Variants in ARHGAP15 observed in about 807,000 individuals in gnomAD.
ARHGAP15 encodes rho GTPase-activating protein 15.
In ARHGAP15, 51 loss-of-function variants were observed where a neutral mutation model predicts 63.7. That is an observed-to-expected ratio of 0.80 (90% CI 0.64 to 1.01). The LOEUF (loss-of-function observed/expected upper bound fraction) is 1.01, where lower values mean the gene tolerates loss of function less well. Ranked by LOEUF, ARHGAP15 falls within the 50% of genes least tolerant of loss-of-function variation. The pLI is 0.00. For synonymous variants in ARHGAP15, 191 were observed against 193.8 expected, an observed-to-expected ratio of 0.99 and a Z score of 0.12; for missense variants, 560 against 564.6, an observed-to-expected ratio of 0.99 and a Z score of 0.08.
At chr2:143,740,004 A>C (rs895723399) in intron 13 of ARHGAP15, among the ~76,000 whole-genome samples, 2 of 152,104 alleles carry the variant, frequency 1.3e-5, no homozygotes, top group African/African-American at 2.4e-5. Context: ...CACAGCTCTC[A>C]TAAGTCCATT....
intron 9 of ARHGAP15, chr2:143,519,053 C>T (rs1693945316): frequency 1.3e-5 from 5 of 399,300 alleles, no homozygotes; most frequent in South Asian, 5.1e-5. Flanking sequence ...GATGCCTGAG[C>T]GTCAGTTTTC....
chr2:143,681,336 C>T (rs1050925334), intron 12 of ARHGAP15, among the ~76,000 whole-genome samples: 3 of 152,082 alleles, frequency 2.0e-5, no homozygotes, highest in African/African-American at 7.2e-5. Context: ...AATTTAGTAG[C>T]GTATGTGAAA....
At chr2:143,275,210 T>C (rs948215331) in intron 6 of ARHGAP15, among the ~76,000 whole-genome samples, 6 of 152,016 alleles carry the variant, frequency 3.9e-5, no homozygotes, top group African/African-American at 1.2e-4. Context: ...GCAATTATCT[T>C]GATGGGGCAG....
At chr2:143,373,106 C>T (rs182221487) in intron 6 of ARHGAP15, among the ~76,000 whole-genome samples, 2 of 152,076 alleles carry the variant, frequency 1.3e-5, no homozygotes, top group Admixed American at 1.3e-4. Flanking sequence ...ATTTCATAGT[C>T]CCTTTTATAT....
chr2:143,242,428 AAT>A (rs1693900137), intron 5 of ARHGAP15, among the ~76,000 whole-genome samples: 1 of 152,242 alleles, frequency 6.6e-6, no homozygotes. Context: ...TTTTAATGTA[AAT>A]GTAAGACTAT....
At chr2:143,244,221 T>G (rs1272970705) in intron 5 of ARHGAP15, among the ~76,000 whole-genome samples, 1 of 152,118 alleles carries the variant, frequency 6.6e-6, no homozygotes, top group Non-Finnish European at 1.5e-5. Flanking sequence ...CTTTGCTAGA[T>G]TCTGGAAAAA....
intron 6 of ARHGAP15, among the ~76,000 whole-genome samples, chr2:143,275,567 C>G (rs1681507271): frequency 6.6e-6 from 1 of 152,146 alleles, no homozygotes; most frequent in African/African-American, 2.4e-5. Context: ...TGAGATTATT[C>G]TCATTACTTA....
rs183782356 is a variant in ARHGAP15 at position 143,696,216 on chromosome 2, A to T, written c.1139-7203A>T. ...AAACTTCACTGACACCTACATAATG[A>T]CATGCCTTATATTTAAACATCTATT... is the stretch of plus-strand genomic sequence containing the variant. On this transcript the variant is annotated intron_variant, in intron 12 of 13. Transcript: ENST00000295095. Among the ~76,000 whole-genome samples, 266 of 152,172 alleles carry T rather than the reference A, an allele frequency of 1.7e-3. 2 individuals are homozygous for T. Among genetic ancestry groups the T allele is most frequent in the Non-Finnish European group, 1.3e-3 (89 of 68,010 alleles).
chr2:143,643,061 G>A (rs751749278), intron 12 of ARHGAP15, among the ~76,000 whole-genome samples: 7 of 152,174 alleles, frequency 4.6e-5, no homozygotes, highest in East Asian at 1.9e-4. Flanking sequence ...AATTAATTGC[G>A]GAGAATTCAA....
At chr2:143,407,664 T>C (rs1308611533) in intron 6 of ARHGAP15, among the ~76,000 whole-genome samples, 2 of 151,720 alleles carry the variant, frequency 1.3e-5, no homozygotes, top group East Asian at 3.9e-4. Flanking sequence ...AATCCAATAT[T>C]CTCTTCAAAA....
In ARHGAP15 at chr2:143,145,452, A is replaced by G. The variant is rs568550425; in HGVS notation, c.-14-10025A>G. ...TTGAGGTTCTACCTTTCTATTGCCA[A>G]TCTCCTTTGTGGATAATTGAGCTAG... On this transcript the variant is annotated intron_variant, in intron 1 of 13. Transcript: ENST00000295095. Among the ~76,000 whole-genome samples, 7 of 152,096 alleles carry G rather than the reference A, an allele frequency of 4.6e-5. No individual in the cohort carries two copies. The South Asian group carries it at 1.5e-3, about 32-fold the overall frequency.
intron 6 of ARHGAP15, among the ~76,000 whole-genome samples, chr2:143,406,714 G>C (rs1688213794): frequency 4.0e-5 from 6 of 151,830 alleles, no homozygotes; most frequent in Admixed American, 3.3e-4. Context: ...GGTAGCACTA[G>C]GCATCATAAT....
In ARHGAP15 at chr2:143,370,723, A is replaced by G. The variant is rs140361468; in HGVS notation, c.475-64878A>G. On this transcript the variant is annotated intron_variant, in intron 6 of 13. Transcript: ENST00000295095. Reference sequence around the variant, plus strand: ...ACCAAGCAGGATTTGAGTCTGTTCTATGTGGACTAGTATACTTCATGATAC... The same window carrying G: ...ACCAAGCAGGATTTGAGTCTGTTCTGTGTGGACTAGTATACTTCATGATAC... Among the ~76,000 whole-genome samples, 107 of 152,306 alleles carry G rather than the reference A, an allele frequency of 7.0e-4. No homozygotes were observed. The East Asian group carries it at 0.015, about 22-fold the overall frequency.
intron 1 of ARHGAP15, among the ~76,000 whole-genome samples, chr2:143,155,130 A>T (rs1690026515): frequency 1.3e-5 from 2 of 151,956 alleles, no homozygotes; most frequent in African/African-American, 4.8e-5. Context: ...TGTGGATTAA[A>T]AAGCATATAT....
chr2:143,322,359 T>C (rs1278924264), intron 6 of ARHGAP15, among the ~76,000 whole-genome samples: 1 of 152,240 alleles, frequency 6.6e-6, no homozygotes, highest in East Asian at 1.9e-4. Flanking sequence ...GTGTTACTTT[T>C]ATTCATAATT....
chr2:143,728,216 C>T (rs1411194614), intron 13 of ARHGAP15, among the ~76,000 whole-genome samples: 1 of 152,190 alleles, frequency 6.6e-6, no homozygotes, highest in Non-Finnish European at 1.5e-5. Context: ...TGCTGTTTTA[C>T]CCTTCACGTG....
intron 11 of ARHGAP15, among the ~76,000 whole-genome samples, chr2:143,603,184 G>A (rs971016524): frequency 1.3e-5 from 2 of 152,170 alleles, no homozygotes; most frequent in South Asian, 4.1e-4. Context: ...GGACCTCCTT[G>A]AGTCATGTGA....
At chr2:143,267,897 A>C (rs1681076497) in intron 6 of ARHGAP15, among the ~76,000 whole-genome samples, 1 of 152,090 alleles carries the variant, frequency 6.6e-6, no homozygotes, top group African/African-American at 2.4e-5. Context: ...CCATGTGGGC[A>C]TGTATACTAA....
At chr2:143,661,585 T>C (rs942435627) in intron 12 of ARHGAP15, among the ~76,000 whole-genome samples, 18 of 152,214 alleles carry the variant, frequency 1.2e-4, no homozygotes, top group African/African-American at 4.1e-4. Flanking sequence ...GATGGCCGAA[T>C]AGGAACAGCT....
Sources: gnomAD v4.1 joint callset for allele counts (sites outside exome capture counted in the v4.1 genomes callset) on GRCh38, gnomAD v4.1.1 for gene constraint, MANE v1.5 for transcripts, NCBI Gene and HGNC (gene_info 2026-07-23, HGNC 2026-07-21) for gene names.